Variants in CLMP observed in about 807,000 individuals in gnomAD.
CLMP encodes the protein CXADR-like membrane protein.
A neutral mutation model predicts 45.2 loss-of-function variants in CLMP; 27 were observed. The observed-to-expected ratio is 0.60, with a 90% confidence interval of 0.44 to 0.82. CLMP has a LOEUF of 0.82. CLMP is among the 40% of genes least tolerant of loss of function. The pLI, the probability that CLMP is intolerant of heterozygous loss-of-function variation, is 0.00. For synonymous variants in CLMP, 167 were observed against 171.4 expected (o/e 0.97, Z 0.20); for missense variants, 403 against 448.4 (o/e 0.90, Z 0.91).
rs1392550551 is a variant in CLMP at position 123,195,003 on chromosome 11, G to C, written c.-63C>G. The stretch of plus-strand genomic sequence containing the variant: ...CTGCTTGGCTCCGGGGCGGCCGGGC[G>C]CCTCCGACGGACCTCGGGCGAGCTG... On this transcript the variant is annotated 5_prime_UTR_variant, in exon 1 of 7. Coordinates refer to ENST00000448775, the MANE Select transcript of CLMP (RefSeq NM_024769.5). 1.3e-6 allele frequency: 2 copies of C among 1,551,316 alleles called. No homozygotes were observed. The highest frequency in any genetic ancestry group is 1.4e-5 in the African/African-American group (1 of 72,456).
At chr11:123,151,405 A>C (rs78372576) in intron 1 of CLMP, among the ~76,000 whole-genome samples, 9,660 of 152,280 alleles carry the variant, frequency 0.063, 334 homozygotes, top group Middle Eastern at 0.1. Context: ...AGCCACTGGC[A>C]CTTGTCCTTA....
At chr11:123,153,768 G>A (rs1382679975) in intron 1 of CLMP, among the ~76,000 whole-genome samples, 1 of 151,528 alleles carries the variant, frequency 6.6e-6, no homozygotes, top group African/African-American at 2.4e-5. Context: ...CTCCAGCCTC[G>A]ACCTCCTGGG....
intron 1 of CLMP, among the ~76,000 whole-genome samples, chr11:123,158,084 A>G (rs1225417490): frequency 6.6e-6 from 1 of 152,114 alleles, no homozygotes; most frequent in Admixed American, 6.5e-5. Flanking sequence ...GTACTGCTTC[A>G]CTCAAACTCC....
rs144480288 is a variant in CLMP at position 123,082,585 on chromosome 11, G to A, written c.679+500C>T. On this transcript the variant is annotated intron_variant, in intron 5 of 6. Transcript: ENST00000448775. ...CGAAGTGCTGGGATTACAGGCATGA[G>A]CCGCCACGCTGGGCTGGTTTTTTTT... Among the ~76,000 whole-genome samples the A allele has an allele frequency of 8.6e-3, 1,297 of 151,266 alleles. 107 individuals carry two copies. In the East Asian group the frequency reaches 0.19, roughly 22 times the overall value.
At chr11:123,110,334 A>T (rs1159929842) in intron 1 of CLMP, among the ~76,000 whole-genome samples, 2 of 151,980 alleles carry the variant, frequency 1.3e-5, no homozygotes, top group Non-Finnish European at 2.9e-5. Context: ...GGCACTTGTA[A>T]TTCCAGCTAC....
At chr11:123,087,901 CGTTTT>C (rs905628740) in intron 2 of CLMP, among the ~76,000 whole-genome samples, 6 of 151,204 alleles carry the variant, frequency 4.0e-5, no homozygotes, top group African/African-American at 1.5e-4. Flanking sequence ...GGGTAGGTTT[CGTTTT>C]GTTTCTTTTT....
In CLMP at chr11:123,128,251, A is replaced by C. The variant is rs74777972; in HGVS notation, c.29-30299T>G. 4.5e-3 allele frequency among the ~76,000 whole-genome samples: 691 copies of C among 152,002 alleles called. 3 individuals carry two copies. Among genetic ancestry groups the C allele is most frequent in the African/African-American group, 0.016 (648 of 41,526 alleles). On this transcript the variant is annotated intron_variant, in intron 1 of 6. Coordinates refer to ENST00000448775, the MANE Select transcript of CLMP (RefSeq NM_024769.5). ...ATGATTAAAAAAAGAAAAAAAAAAAACAACTCAGCCAACCAGGAAGAAAGG... is the reference window on the plus strand; with the variant it reads ...ATGATTAAAAAAAGAAAAAAAAAAACCAACTCAGCCAACCAGGAAGAAAGG...
chr11:123,085,775 T>C (rs1196966237), intron 2 of CLMP, among the ~76,000 whole-genome samples: 6 of 147,314 alleles, frequency 4.1e-5, no homozygotes, highest in Non-Finnish European at 7.5e-5. Context: ...TTATGTTTTT[T>C]TTTTTTTGTT....
intron 1 of CLMP, among the ~76,000 whole-genome samples, chr11:123,189,955 CTG>C (rs1861884754): frequency 6.8e-6 from 1 of 147,676 alleles, no homozygotes; most frequent in East Asian, 2.0e-4. Context: ...TGAGTGGAGA[CTG>C]TGCCACTGCA....
intron 1 of CLMP, among the ~76,000 whole-genome samples, chr11:123,155,349 A>G (rs1444112155): frequency 6.6e-6 from 1 of 152,124 alleles, no homozygotes; most frequent in Non-Finnish European, 1.5e-5. Context: ...ACCATTGCAC[A>G]AGGGAAGTGC....
chr11:123,153,686 A>ATTTTAT (rs1393590557), intron 1 of CLMP, among the ~76,000 whole-genome samples: 1 of 151,714 alleles, frequency 6.6e-6, no homozygotes, highest in Non-Finnish European at 1.5e-5. Flanking sequence ...TTTAATTTTA[A>ATTTTAT]TTTTATTTTT....
At chr11:123,143,136 T>C (rs1861188760) in intron 1 of CLMP, among the ~76,000 whole-genome samples, 1 of 152,198 alleles carries the variant, frequency 6.6e-6, no homozygotes, top group Non-Finnish European at 1.5e-5. Context: ...GGTAAGCTTA[T>C]TTCTAGCTGC....
chr11:123,106,816 C>G (rs189160030), intron 1 of CLMP, among the ~76,000 whole-genome samples: 1 of 151,694 alleles, frequency 6.6e-6, no homozygotes, highest in Non-Finnish European at 1.5e-5. Context: ...GTCAGGAGAT[C>G]GAGACCATCC....
intron 1 of CLMP, among the ~76,000 whole-genome samples, chr11:123,158,143 T>C (rs993321451): frequency 6.6e-6 from 1 of 152,130 alleles, no homozygotes; most frequent in Non-Finnish European, 1.5e-5. Context: ...AGTGCCCCTA[T>C]TGCACGGTTA....
At position 123,165,846 on chromosome 11, in the gene CLMP, G is replaced by T. The variant is rs191646488; in HGVS notation, c.28+29067C>A. Among the ~76,000 whole-genome samples the T allele has an allele frequency of 9.2e-5, 14 of 152,282 alleles. No homozygotes were observed. In the East Asian group the frequency reaches 1.4e-3, roughly 15 times the overall value. The stretch of plus-strand genomic sequence containing the variant: ...AGACCTAGTGCCCTCTCCCCAGGAA[G>T]ATACCACGGGAAGCAAGGTGATGTA... On this transcript the variant is annotated intron_variant, in intron 1 of 6. Coordinates refer to ENST00000448775, the MANE Select transcript of CLMP (RefSeq NM_024769.5).
At chr11:123,105,358 TCCC>T (rs1860527072) in intron 1 of CLMP, among the ~76,000 whole-genome samples, 3 of 24,716 alleles carry the variant, frequency 1.2e-4, no homozygotes, top group South Asian at 1.8e-3. Context: ...TTCCCTTCCC[TCCC>T]TCCCTCCCTC....
At chr11:123,169,165 G>T (rs1861597437) in intron 1 of CLMP, among the ~76,000 whole-genome samples, 1 of 152,178 alleles carries the variant, frequency 6.6e-6, no homozygotes, top group South Asian at 2.1e-4. Context: ...AGGAGGAGGT[G>T]CAAAGAGGAA....
intron 1 of CLMP, among the ~76,000 whole-genome samples, chr11:123,150,459 GAAAGAAAGA>G (rs1861301666): frequency 2.0e-5 from 2 of 97,842 alleles, no homozygotes; most frequent in African/African-American, 4.0e-5. Context: ...AAGAAAGAAA[GAAAGAAAGA>G]AAGAAAGAAA....
intron 1 of CLMP, among the ~76,000 whole-genome samples, chr11:123,182,107 A>G (rs17737079): frequency 0.43 from 65,223 of 152,140 alleles, 16,167 homozygotes; most frequent in East Asian, 0.61. Flanking sequence ...AGAGCAAAAC[A>G]TTAACAAAAG....
Sources: gnomAD v4.1 joint callset for allele counts (sites outside exome capture counted in the v4.1 genomes callset) on GRCh38, gnomAD v4.1.1 for gene constraint, MANE v1.5 for transcripts, NCBI Gene and HGNC (gene_info 2026-07-23, HGNC 2026-07-21) for gene names.